Variants in CELA3B observed in about 807,000 individuals in gnomAD.
CELA3B encodes chymotrypsin-like elastase family member 3B.
In CELA3B, 34 loss-of-function variants were observed where a neutral mutation model predicts 37.2. The ratio of observed to expected loss-of-function variants is 0.91; its 90% CI spans 0.70 to 1.22. The LOEUF (loss-of-function observed/expected upper bound fraction) is 1.22. Ranked by LOEUF, CELA3B falls within the 50% of genes most tolerant of loss-of-function variation. The probability of loss-of-function intolerance (pLI) is 0.00; values close to 1 mark genes in which losing one functional copy is unlikely to be tolerated. For missense variants in CELA3B, 340 were observed against 363.1 expected, an observed-to-expected ratio of 0.94 and a Z score of 0.52; for synonymous variants, 127 against 143.5, an observed-to-expected ratio of 0.89 and a Z score of 0.82.
At chr1:21,980,761 C>T (rs756508688) in intron 2 of CELA3B, 63 bp from the exon 3 acceptor site, 1 of 1,159,320 alleles carries the variant, frequency 8.6e-7, no homozygotes, top group East Asian at 2.3e-5. Context: ...CCTATACAGC[C>T]ATTGGTGGCA....
chr1:21,977,661 C>G (rs770173141), intron 1 of CELA3B, among the ~76,000 whole-genome samples: 86 of 152,298 alleles, frequency 5.6e-4, no homozygotes, highest in Non-Finnish European at 1.1e-3. Flanking sequence ...CCCCATTTTA[C>G]CGACCCTCAA....
downstream of CELA3B, among the ~76,000 whole-genome samples, chr1:21,992,960 C>A (rs1444455025): frequency 6.9e-6 from 1 of 143,892 alleles, no homozygotes. Context: ...AGATTGAGAC[C>A]TTGTCTCCAA....
At chr1:21,977,504 C>G (rs1391309775) in intron 1 of CELA3B, among the ~76,000 whole-genome samples, 1 of 152,188 alleles carries the variant, frequency 6.6e-6, no homozygotes, top group Non-Finnish European at 1.5e-5. Flanking sequence ...AGGGCCACCT[C>G]TTCCAAGCAG....
chr1:21,981,734 T>C (rs1206727328), intron 4 of CELA3B, among the ~76,000 whole-genome samples: 4 of 151,956 alleles, frequency 2.6e-5, no homozygotes, highest in Non-Finnish European at 5.9e-5. Flanking sequence ...AATTCTTTTT[T>C]TTTTTTTTTG....
intron 4 of CELA3B, among the ~76,000 whole-genome samples, chr1:21,994,803 C>T (rs1644883174): frequency 6.6e-6 from 1 of 150,560 alleles, no homozygotes; most frequent in Non-Finnish European, 1.5e-5. Context: ...AGTTTGAGAC[C>T]AGCCTGGGCA....
At chr1:21,985,867 G>C (rs7521037) in intron 6 of CELA3B, among the ~76,000 whole-genome samples, 137,465 of 151,352 alleles carry the variant, frequency 0.91, 62,680 homozygotes, top group Middle Eastern at 0.96. Flanking sequence ...CTCCAACCTG[G>C]GCGACAGAGC....
chr1:21,989,861 A>G (rs561136926), downstream of CELA3B, among the ~76,000 whole-genome samples: 2 of 150,736 alleles, frequency 1.3e-5, no homozygotes, highest in Non-Finnish European at 2.9e-5. Context: ...GAAGTGACTC[A>G]TTATTTAAAG....
intron 4 of CELA3B, chr1:21,998,089 C>T (rs1644898601): frequency 6.4e-6 from 3 of 467,018 alleles, no homozygotes; most frequent in Non-Finnish European, 8.9e-6. Flanking sequence ...AATCTCATTC[C>T]CTTAAGTCTA....
intron 7 of CELA3B, among the ~76,000 whole-genome samples, chr1:21,988,185 C>T (rs556901565): frequency 6.5e-4 from 99 of 151,680 alleles, no homozygotes; most frequent in Non-Finnish European, 1.1e-3. Flanking sequence ...GCACTCCAGC[C>T]TGGGTGACAG....
At chr1:21,982,023 C>A (rs10799722) in intron 4 of CELA3B, among the ~76,000 whole-genome samples, 137,495 of 152,166 alleles carry the variant, frequency 0.9, 62,932 homozygotes, top group Non-Finnish European at 0.98. Context: ...CCGCGCCCTG[C>A]CATATGAAAA....
rs535269494 is a variant in CELA3B at position 21,998,347 on chromosome 1, C to A, written c.*158C>A. ...GCCCACTGGGTTATATTCTGGGAGC[C>A]GAGGCCACAGCAGTGAACAAAGCAC... On this transcript the variant is annotated 3_prime_UTR_variant, in exon 5 of 5. Transcript: ENST00000400277. The A allele has an allele frequency of 2.0e-3, 771 of 393,358 alleles. 5 individuals carry two copies. The highest frequency in any genetic ancestry group is 2.7e-3 in the Admixed American group (90 of 33,340). 24.4% of individuals were successfully genotyped at this position (393,358 alleles called of 1,614,324 possible). A position where few individuals can be genotyped will look rare whatever the true frequency, so the allele number is the denominator to read the frequency against.
At chr1:21,993,274 A>G (rs1318409861), downstream of CELA3B, among the ~76,000 whole-genome samples, 7 of 151,216 alleles carry the variant, frequency 4.6e-5, no homozygotes, top group Middle Eastern at 3.2e-3. Flanking sequence ...CAGACTGGCC[A>G]ACATGGCGAA....
chr1:21,983,258 G>C (rs1644815542), intron 4 of CELA3B, among the ~76,000 whole-genome samples: 1 of 152,168 alleles, frequency 6.6e-6, no homozygotes, highest in South Asian at 2.1e-4. Context: ...AGGAGGCTGA[G>C]GCAGGAGAAT....
chr1:21,980,936 C>T lies in CELA3B; in HGVS notation c.227+15C>T, dbSNP rs763225555. 1.2e-6 allele frequency: 2 copies of T among 1,613,984 alleles called. No homozygotes were observed. The highest frequency in any genetic ancestry group is 1.7e-6 in the Non-Finnish European group (2 of 1,179,978). On this transcript the variant is annotated intron_variant, in intron 3 of 7. Transcript: ENST00000337107. ...CACTGCATCTCGTGAGTTCTCTACC[C>T]TGTCCCTGCCTGTGGCCCCGGGCAG...
chr1:21,986,557 C>T lies in CELA3B; in HGVS notation c.669C>T (p.Cys223=). 6.2e-7 allele frequency: 1 copy of T among 1,614,086 alleles called. No individual in the cohort carries two copies. Among genetic ancestry groups the T allele is most frequent in the Non-Finnish European group, 8.5e-7 (1 of 1,180,012 alleles). Reference sequence around the variant, plus strand: ...GTGACTCTGGAGGACCCCTCAACTGCCCCACAGAGGATGGTGGCTGGCAGG... The same window carrying T: ...GTGACTCTGGAGGACCCCTCAACTGTCCCACAGAGGATGGTGGCTGGCAGG... ...CNGDSGGPLN[C]PTEDGGWQVH... is the part of the protein sequence containing the mutation. The change falls in exon 7 of 8, where the codon TGC becomes TGT. Residue 223 remains cysteine (C), a synonymous_variant. Coordinates refer to ENST00000337107, the MANE Select transcript of CELA3B (RefSeq NM_007352.4).
Position 21,984,182 on chromosome 1 carries a change from G to A in CELA3B, c.500-7G>A, listed in dbSNP as rs766657011. 1.2e-6 allele frequency: 2 copies of A among 1,611,630 alleles called. No homozygotes were observed. Among genetic ancestry groups the A allele is most frequent in the African/African-American group, 2.7e-5 (2 of 74,896 alleles). ...GACCCCTGACTCGGTGCTTTTTATC[G>A]CTGCAGCCAACGGGCCACTCCCAGA... On this transcript the variant is annotated splice_region_variant and splice_polypyrimidine_tract_variant and intron_variant, in intron 5 of 7. Coordinates refer to ENST00000337107, the MANE Select transcript of CELA3B (RefSeq NM_007352.4).
chr1:21,997,621 G>A (rs1644896497), intron 4 of CELA3B, among the ~76,000 whole-genome samples: 1 of 149,894 alleles, frequency 6.7e-6, no homozygotes, highest in Admixed American at 6.6e-5. Context: ...CCCGGGAGGC[G>A]AAGGTGGCAG....
intron 3 of CELA3B, 23 bp downstream of exon 3, chr1:21,980,944 G>T (rs1269777428): frequency 6.2e-7 from 1 of 1,613,918 alleles, no homozygotes; most frequent in African/African-American, 1.3e-5. Flanking sequence ...CCCTGTCCCT[G>T]CCTGTGGCCC....
At chr1:21,998,431 C>T (rs1242521199) in exon 5 of CELA3B, 1 of 300,174 alleles carries the variant, frequency 3.3e-6, no homozygotes, top group African/African-American at 2.2e-5. Flanking sequence ...CATCAAACAT[C>T]TATTAATATC....
Sources: allele counts gnomAD v4.1 joint callset (sites outside exome capture counted in the v4.1 genomes callset), GRCh38; gene constraint gnomAD v4.1.1; transcripts MANE v1.5; gene names NCBI Gene and HGNC (gene_info 2026-07-23, HGNC 2026-07-21).